Variants in TM6SF2 observed in about 807,000 individuals in gnomAD.
The protein encoded by TM6SF2 is transmembrane 6 superfamily member 2.
A neutral mutation model predicts 41.0 loss-of-function variants in TM6SF2; 29 were observed. That is an observed-to-expected ratio of 0.71 (90% CI 0.53 to 0.96). The LOEUF is 0.96. TM6SF2 is among the 50% of genes least tolerant of loss of function. The probability of loss-of-function intolerance (pLI) is 0.00; values close to 1 mark genes in which losing one functional copy is unlikely to be tolerated. For synonymous variants in TM6SF2, 200 were observed against 209.1 expected, an observed-to-expected ratio of 0.96 and a Z score of 0.37; for missense variants, 475 against 499.0, an observed-to-expected ratio of 0.95 and a Z score of 0.46.
intron 1 of TM6SF2, 60 bp downstream of exon 1, chr19:19,273,061 T>TTGGGCCC: frequency 3.3e-6 from 1 of 305,470 alleles, no homozygotes; most frequent in Non-Finnish European, 6.1e-6. Context: ...CCTCCAGTCC[T>TTGGGCCC]CCCCGCCCCC....
intron 1 of TM6SF2, among the ~76,000 whole-genome samples, chr19:19,271,528 TTC>T (rs200817931): frequency 0.026 from 3,898 of 151,070 alleles, 84 homozygotes; most frequent in Middle Eastern, 0.052. Flanking sequence ...TTTTCTTTCT[TTC>T]TCTCTCTCTC....
chr19:19,264,876 G>T lies in TM6SF2; in HGVS notation c.925-3C>A. On this transcript the variant is annotated splice_region_variant and splice_polypyrimidine_tract_variant and intron_variant, in intron 9 of 9. Coordinates refer to ENST00000389363, the MANE Select transcript of TM6SF2 (RefSeq NM_001001524.3). ...GCCCCCATGTGCGAGAACTGTGCCT[G>T]GTAGCCAGACAGGGAAGATGGATGT... is the stretch of plus-strand genomic sequence containing the variant. 1 of 1,543,590 alleles carries T rather than the reference G, an allele frequency of 6.5e-7. No individual in the cohort carries two copies. The highest frequency in any genetic ancestry group is 8.7e-7 in the Non-Finnish European group (1 of 1,145,372).
intron 9 of TM6SF2, among the ~76,000 whole-genome samples, chr19:19,265,670 C>T (rs571593622): frequency 3.9e-4 from 59 of 152,174 alleles, no homozygotes; most frequent in South Asian, 2.1e-3. Context: ...CCTCCCACCT[C>T]GGCCTCCCAA....
chr19:19,272,654 A>G (rs1303490856), intron 1 of TM6SF2, among the ~76,000 whole-genome samples: 1 of 151,668 alleles, frequency 6.6e-6, no homozygotes, highest in African/African-American at 2.4e-5. Flanking sequence ...GCCCTGAACA[A>G]GAGGAAAGTC....
At chr19:19,268,559 G>C in intron 6 of TM6SF2, 71 bp downstream of exon 6, 2 of 1,498,200 alleles carry the variant, frequency 1.3e-6, no homozygotes, top group Non-Finnish European at 1.8e-6. Flanking sequence ...TTAAGTCTTT[G>C]ACCAAAAGCA....
At chr19:19,268,192 C>CT (rs969189680) in intron 6 of TM6SF2, 105 bp from the exon 7 acceptor site, 51 of 684,152 alleles carry the variant, frequency 7.5e-5, no homozygotes, top group East Asian at 1.2e-4. Context: ...TTCTTTTTTT[C>CT]TTTTTTTTCT....
chr19:19,267,592 G>A, intron 8 of TM6SF2, 29 bp downstream of exon 8: 1 of 1,574,734 alleles, frequency 6.4e-7, no homozygotes, highest in South Asian at 1.1e-5. Flanking sequence ...CATGGCAGGG[G>A]TGTGGTCTTC....
intron 2 of TM6SF2, among the ~76,000 whole-genome samples, 153 bp downstream of exon 2, chr19:19,270,869 G>A (rs1445681989): frequency 6.6e-6 from 1 of 152,192 alleles, no homozygotes; most frequent in African/African-American, 2.4e-5. Context: ...CCAGTTTAAT[G>A]GGAGTGTTCA....
In TM6SF2 at chr19:19,266,526, T is replaced by A. The variant is rs368893203; in HGVS notation, c.888A>T (p.Pro296=). The A allele has an allele frequency of 6.2e-7, 1 of 1,614,026 alleles. No individual in the cohort carries two copies. Residue 296 remains proline, a synonymous_variant, in exon 9 of 10, where the codon CCA becomes CCT. Transcript: ENST00000389363. ...ALTFPGCSWL[P]DWALVFAGGI... is the part of the protein sequence containing the mutation. ...CTCCAGCAAACACCAAGGCCCAGTC[T>A]GGAAGCCAGGAGCAACCAGGGAAGG...
rs202196626 is a variant in TM6SF2 at position 19,264,766 on chromosome 19, C to A, written c.1032G>T (p.Ala344=). 7 of 1,609,122 alleles carry A rather than the reference C, an allele frequency of 4.4e-6. No homozygotes were observed. Among genetic ancestry groups the A allele is most frequent in the African/African-American group, 2.7e-5 (2 of 74,640 alleles). The part of the protein sequence containing the change: ...GCFFVCNLLY[A]LGPHLLAYRC... The stretch of plus-strand genomic sequence containing the variant: ...GGTAGGCCAGCAGGTGGGGGCCCAG[C>A]GCATACAGCAGATTGCACACGAAGA... Residue 344 remains alanine, a synonymous_variant, in exon 10 of 10, where the codon GCG becomes GCT. Coordinates refer to ENST00000389363, the MANE Select transcript of TM6SF2 (RefSeq NM_001001524.3).
At chr19:19,269,856 C>T in intron 4 of TM6SF2, 87 bp from the exon 5 acceptor site, 1 of 1,600,808 alleles carries the variant, frequency 6.2e-7, no homozygotes, top group Non-Finnish European at 8.5e-7. Flanking sequence ...CCGTGGGTTT[C>T]CCAGCTCCGG....
chr19:19,265,360 TTCTATCTA>T lies in TM6SF2; in HGVS notation c.925-495_925-488del, dbSNP rs548804768. Among the ~76,000 whole-genome samples, 463 of 140,496 alleles carry T rather than the reference TTCTATCTA, an allele frequency of 3.3e-3. 3 individuals are homozygous for T. The highest frequency in any genetic ancestry group is 8.5e-3 in the South Asian group (37 of 4,340). The allele number at this position is 140,496 out of a possible 152,430, so 92.2% of individuals were successfully genotyped here. Reference sequence around the variant, plus strand: ...ACCATGCCTGGCCTATTTTTAAAATTTCTATCTATCTATCTATCTATCTATCTATCTAT... The same window carrying T: ...ACCATGCCTGGCCTATTTTTAAAATTTCTATCTATCTATCTATCTATCTAT... On this transcript the variant is annotated intron_variant, in intron 9 of 9. Transcript: ENST00000389363.
rs752044826 is a variant in TM6SF2 at position 19,264,687 on chromosome 19, C to CT, written c.1110dup (p.Ala371SerfsTer46). ...TCTCAATGCTGCTTCTTGTGGAGGG[C>CT]TAGGGGGTCGGAGGGTGGTGGCTGG... is the stretch of plus-strand genomic sequence containing the variant. On this transcript the variant is annotated frameshift_variant, in exon 10 of 10. Coordinates refer to ENST00000389363, the MANE Select transcript of TM6SF2 (RefSeq NM_001001524.3). LOFTEE classifies it high-confidence loss of function. The CT allele has an allele frequency of 6.4e-7, 1 of 1,555,124 alleles. No homozygotes were observed.
At chr19:19,266,875 T>G (rs2146576368) in intron 8 of TM6SF2, among the ~76,000 whole-genome samples, 1 of 152,318 alleles carries the variant, frequency 6.6e-6, no homozygotes, top group East Asian at 1.9e-4. Context: ...CCCCTGTCCA[T>G]GATGCTCAGT....
chr19:19,267,565 C>T, intron 8 of TM6SF2, 56 bp downstream of exon 8: 2 of 1,362,570 alleles, frequency 1.5e-6, no homozygotes, highest in African/African-American at 1.4e-5. Context: ...TTCAAAGAGG[C>T]CCAGTGGACC....
At chr19:19,272,413 C>T (rs993256498) in intron 1 of TM6SF2, among the ~76,000 whole-genome samples, 1 of 152,232 alleles carries the variant, frequency 6.6e-6, no homozygotes, top group Non-Finnish European at 1.5e-5. Flanking sequence ...GAACTTGGCT[C>T]ACCCAGGATC....
intron 8 of TM6SF2, among the ~76,000 whole-genome samples, chr19:19,267,017 C>T (rs1396722127): frequency 1.3e-5 from 2 of 152,160 alleles, no homozygotes; most frequent in Non-Finnish European, 2.9e-5. Context: ...GAAGCTGCCA[C>T]AGGCTGTCTC....
Position 19,269,778 on chromosome 19 carries a change from G to A in TM6SF2, c.402-9C>T, listed in dbSNP as rs751109817. ...AATTCCGGTATCTCTTCCTGAGCAGGGGATGGAGGGGTGACCAGCAGGTAG... is the reference window on the plus strand; with the variant it reads ...AATTCCGGTATCTCTTCCTGAGCAGAGGATGGAGGGGTGACCAGCAGGTAG... On this transcript the variant is annotated splice_polypyrimidine_tract_variant and intron_variant, in intron 4 of 9. Transcript: ENST00000389363. 2 of 1,614,056 alleles carry A rather than the reference G, an allele frequency of 1.2e-6. No homozygotes were observed. The highest frequency in any genetic ancestry group is 2.2e-5 in the South Asian group (2 of 91,070).
chr19:19,266,782 C>T lies in TM6SF2; in HGVS notation c.805-173G>A, dbSNP rs1236870292. 6 of 705,326 alleles carry T rather than the reference C, an allele frequency of 8.5e-6. No individual in the cohort carries two copies. In the African/African-American group the frequency reaches 9.0e-5, roughly 11 times the overall value. The allele number at this position is 705,326 out of a possible 1,614,324, so 43.7% of individuals were successfully genotyped here. ...TTCCCTTGGGGATCCTTGCCCCCAA[C>T]CCCCGAACACATACACCAAACCTAC... is the stretch of plus-strand genomic sequence containing the variant. On this transcript the variant is annotated intron_variant, in intron 8 of 9. Coordinates refer to ENST00000389363, the MANE Select transcript of TM6SF2 (RefSeq NM_001001524.3).
Sources: gnomAD v4.1 joint callset for allele counts (sites outside exome capture counted in the v4.1 genomes callset) on GRCh38, gnomAD v4.1.1 for gene constraint, MANE v1.5 for transcripts, NCBI Gene and HGNC (gene_info 2026-07-23, HGNC 2026-07-21) for gene names.